PPFIBP1: variants seen among roughly 807,000 people sequenced by gnomAD.
The protein encoded by PPFIBP1 is PPFIB scaffold protein 1, also known as liprin-beta-1.
Under a neutral mutation model 137.8 loss-of-function variants are expected in PPFIBP1, and 112 were observed. The observed-to-expected ratio is 0.81, with a 90% CI of 0.70 to 0.95. The LOEUF (loss-of-function observed/expected upper bound fraction) is 0.95. Among genes scored for constraint, PPFIBP1 ranks in the 40% least tolerant of loss-of-function variants. The pLI is 0.00. For missense variants in PPFIBP1, 1,083 were observed against 1,196.6 expected (o/e 0.91, Z 1.40); for synonymous variants, 378 against 417.3 (o/e 0.91, Z 1.15).
chr12:27,618,641 C>T (rs2056027739), intron 2 of PPFIBP1, among the ~76,000 whole-genome samples: 1 of 152,180 alleles, frequency 6.6e-6, no homozygotes, highest in African/African-American at 2.4e-5. Context: ...TGGACTGAAC[C>T]AATGTAGATC....
intron 2 of PPFIBP1, among the ~76,000 whole-genome samples, chr12:27,600,541 C>T (rs2053863430): frequency 6.6e-6 from 1 of 151,778 alleles, no homozygotes; most frequent in African/African-American, 2.4e-5. Flanking sequence ...AGCATTTTGC[C>T]ATATTTCATT....
chr12:27,639,744 C>T (rs1475113085), intron 4 of PPFIBP1, among the ~76,000 whole-genome samples: 1 of 152,196 alleles, frequency 6.6e-6, no homozygotes. Context: ...CTTATTTTTA[C>T]ATTAAAAGTG....
chr12:27,531,541 G>A lies in PPFIBP1; in HGVS notation c.-124+7176G>A, dbSNP rs566492282. On this transcript the variant is annotated intron_variant, in intron 1 of 29. Transcript: ENST00000228425. ...TGGTCTCAAACTCCTGATCTCAGAT[G>A]ATCTGCTGGCCTCAGCCTCCCAAAG... is the stretch of plus-strand genomic sequence containing the variant. Among the ~76,000 whole-genome samples the A allele has an allele frequency of 3.3e-5, 5 of 151,318 alleles. No homozygotes were observed. In the South Asian group the frequency reaches 1.0e-3, roughly 32 times the overall value.
chr12:27,557,238 A>ATTTTTTT (rs4035629), intron 1 of PPFIBP1, among the ~76,000 whole-genome samples: 1 of 142,096 alleles, frequency 7.0e-6, no homozygotes. Context: ...CATGGTAACA[A>ATTTTTTT]TTTTTTTTTT....
At chr12:27,625,241 CTG>C (rs2056713567) in intron 2 of PPFIBP1, among the ~76,000 whole-genome samples, 1 of 152,178 alleles carries the variant, frequency 6.6e-6, no homozygotes, top group African/African-American at 2.4e-5. Flanking sequence ...TAAAATGAGA[CTG>C]TTTCAAAAAA....
intron 1 of PPFIBP1, among the ~76,000 whole-genome samples, chr12:27,531,321 C>T (rs867664135): frequency 1.3e-5 from 2 of 152,008 alleles, no homozygotes; most frequent in Admixed American, 6.5e-5. Flanking sequence ...TTGAGACAGT[C>T]TCGTGCTGTC....
At chr12:27,688,481 A>G (rs2061327298) in intron 26 of PPFIBP1, 58 bp downstream of exon 26, 1 of 1,579,364 alleles carries the variant, frequency 6.3e-7, no homozygotes, top group Non-Finnish European at 8.6e-7. Flanking sequence ...TCTAGTCAGT[A>G]GGATATTATC....
intron 2 of PPFIBP1, among the ~76,000 whole-genome samples, chr12:27,581,544 C>T (rs1042067608): frequency 8.5e-5 from 13 of 152,162 alleles, no homozygotes; most frequent in African/African-American, 2.9e-4. Flanking sequence ...TAATGTCATC[C>T]CCAAAGAAAA....
At chr12:27,685,741 G>A (rs1487354276) in intron 24 of PPFIBP1, among the ~76,000 whole-genome samples, 1 of 152,102 alleles carries the variant, frequency 6.6e-6, no homozygotes, top group Non-Finnish European at 1.5e-5. Context: ...TTAGTCAATT[G>A]TACATTAATT....
intron 1 of PPFIBP1, among the ~76,000 whole-genome samples, chr12:27,574,037 A>G (rs533165435): frequency 6.6e-6 from 1 of 151,758 alleles, no homozygotes; most frequent in East Asian, 1.9e-4. Flanking sequence ...ATCTCTGCAC[A>G]TGACTTGGTG....
chr12:27,536,497 G>T (rs1209325615), intron 1 of PPFIBP1, among the ~76,000 whole-genome samples: 2 of 152,028 alleles, frequency 1.3e-5, no homozygotes, highest in Non-Finnish European at 2.9e-5. Flanking sequence ...GAAGGGAGAG[G>T]CCCCAGACTC....
chr12:27,655,791 A>G (rs772197916), intron 8 of PPFIBP1, among the ~76,000 whole-genome samples: 27 of 152,348 alleles, frequency 1.8e-4, no homozygotes, highest in Non-Finnish European at 3.7e-4. Context: ...ATAGTACTAA[A>G]TGTAATAAAT....
chr12:27,675,205 C>T (rs1189361871), intron 17 of PPFIBP1, among the ~76,000 whole-genome samples: 1 of 152,062 alleles, frequency 6.6e-6, no homozygotes, highest in Non-Finnish European at 1.5e-5. Flanking sequence ...CCTCCAGATC[C>T]AGTCTCTTGA....
intron 11 of PPFIBP1, among the ~76,000 whole-genome samples, chr12:27,662,981 C>T (rs1336999384): frequency 6.6e-6 from 1 of 152,138 alleles, no homozygotes; most frequent in African/African-American, 2.4e-5. Context: ...CTGATCTCGG[C>T]TGGCTTAGCT....
chr12:27,658,693 A>T, intron 9 of PPFIBP1, 123 bp from the exon 10 acceptor site: 1 of 1,028,898 alleles, frequency 9.7e-7, no homozygotes, highest in Non-Finnish European at 1.5e-6. Flanking sequence ...GTGCTGAAAA[A>T]GTTTTTATGA....
At chr12:27,652,603 A>G (rs188697298) in intron 7 of PPFIBP1, among the ~76,000 whole-genome samples, 1 of 152,350 alleles carries the variant, frequency 6.6e-6, no homozygotes, top group East Asian at 1.9e-4. Context: ...GACCATATTT[A>G]AAGTATTGCC....
intron 2 of PPFIBP1, among the ~76,000 whole-genome samples, chr12:27,605,826 A>G (rs1482270696): frequency 6.6e-6 from 1 of 152,200 alleles, no homozygotes; most frequent in Non-Finnish European, 1.5e-5. Context: ...AAAATTCCTG[A>G]TAGCCATTAT....
chr12:27,616,655 G>T (rs931094548), intron 2 of PPFIBP1, among the ~76,000 whole-genome samples: 1 of 152,202 alleles, frequency 6.6e-6, no homozygotes, highest in African/African-American at 2.4e-5. Flanking sequence ...AAGAGTGAAG[G>T]AATAATTGTC....
At chr12:27,577,144 A>T (rs939923816) in intron 1 of PPFIBP1, among the ~76,000 whole-genome samples, 1 of 152,044 alleles carries the variant, frequency 6.6e-6, no homozygotes, top group Non-Finnish European at 1.5e-5. Context: ...CCACACCCCC[A>T]TTCATTCCTG....
Sources: gnomAD v4.1 joint callset for allele counts (sites outside exome capture counted in the v4.1 genomes callset) on GRCh38, gnomAD v4.1.1 for gene constraint, MANE v1.5 for transcripts, NCBI Gene and HGNC (gene_info 2026-07-23, HGNC 2026-07-21) for gene names.